PALM2AKAP2: variants seen among roughly 807,000 people sequenced by gnomAD.
The protein encoded by PALM2AKAP2 is PALM2-AKAP2 fusion protein.
In PALM2AKAP2, 37 loss-of-function variants were observed where a neutral mutation model predicts 71.5. The ratio of observed to expected loss-of-function variants is 0.52; its 90% confidence interval spans 0.40 to 0.68. The LOEUF (loss-of-function observed/expected upper bound fraction) is 0.68. Among genes scored for constraint, PALM2AKAP2 ranks in the 30% least tolerant of loss-of-function variants. PALM2AKAP2 has a pLI of 0.00. For missense variants in PALM2AKAP2, 1,224 were observed against 1,191.8 expected, an observed-to-expected ratio of 1.03 and a Z score of -0.40; for synonymous variants, 468 against 478.8, an observed-to-expected ratio of 0.98 and a Z score of 0.29.
At chr9:109,674,918 C>T (rs980824635) in intron 1 of PALM2AKAP2, among the ~76,000 whole-genome samples, 4 of 152,016 alleles carry the variant, frequency 2.6e-5, no homozygotes, top group Admixed American at 6.6e-5. Flanking sequence ...AATACTCTTT[C>T]AGTAGATATC....
At chr9:110,151,931 G>C (rs767337321) in intron 2 of PALM2AKAP2, among the ~76,000 whole-genome samples, 1 of 152,142 alleles carries the variant, frequency 6.6e-6, no homozygotes, top group Non-Finnish European at 1.5e-5. Flanking sequence ...GATAGTGACC[G>C]ATGTCCTTCA....
chr9:110,060,441 A>G (rs890990344), intron 1 of PALM2AKAP2, among the ~76,000 whole-genome samples: 6 of 152,020 alleles, frequency 3.9e-5, no homozygotes, highest in Non-Finnish European at 7.4e-5. Flanking sequence ...TTTTAATTCC[A>G]TTTTGAAGAT....
chr9:109,812,112 A>G (rs927860847), intron 1 of PALM2AKAP2, among the ~76,000 whole-genome samples: 1 of 152,242 alleles, frequency 6.6e-6, no homozygotes, highest in African/African-American at 2.4e-5. Flanking sequence ...TCATAGGGGC[A>G]GAAACTGCCA....
intron 3 of PALM2AKAP2, among the ~76,000 whole-genome samples, chr9:110,157,006 G>C (rs140483944): frequency 6.6e-6 from 1 of 152,332 alleles, no homozygotes; most frequent in Admixed American, 6.5e-5. Context: ...TGCATAGCTT[G>C]AAAGCAAAGA....
intron 1 of PALM2AKAP2, among the ~76,000 whole-genome samples, chr9:109,842,652 T>A (rs1828729827): frequency 6.7e-6 from 1 of 148,170 alleles, no homozygotes; most frequent in Admixed American, 6.7e-5. Flanking sequence ...CGTTGTTGAA[T>A]CAGCCCCAGT....
intron 3 of PALM2AKAP2, among the ~76,000 whole-genome samples, chr9:109,888,741 C>T (rs1830022811): frequency 7.0e-6 from 1 of 142,680 alleles, no homozygotes; most frequent in Non-Finnish European, 1.5e-5. Context: ...AAGAATAGTG[C>T]TGTTCTTATT....
intron 2 of PALM2AKAP2, among the ~76,000 whole-genome samples, chr9:110,152,750 A>G (rs1836353179): frequency 6.6e-6 from 1 of 152,218 alleles, no homozygotes; most frequent in Admixed American, 6.5e-5. Flanking sequence ...CAGGTGTGGA[A>G]CAGGTTTCTC....
chr9:110,114,301 T>C (rs1003513314), intron 1 of PALM2AKAP2, among the ~76,000 whole-genome samples: 4 of 152,168 alleles, frequency 2.6e-5, no homozygotes, highest in Non-Finnish European at 5.9e-5. Flanking sequence ...GTTTCCTCTG[T>C]GTGTATATCT....
At chr9:109,671,156 G>C (rs1340685744) in intron 1 of PALM2AKAP2, among the ~76,000 whole-genome samples, 2 of 151,814 alleles carry the variant, frequency 1.3e-5, no homozygotes, top group African/African-American at 4.8e-5. Flanking sequence ...TTTTGCTTTT[G>C]TTGTCTTCAT....
intron 3 of PALM2AKAP2, among the ~76,000 whole-genome samples, chr9:109,911,221 G>A (rs968799399): frequency 1.3e-4 from 20 of 152,168 alleles, no homozygotes; most frequent in Non-Finnish European, 2.2e-4. Context: ...ATTGAGAAAA[G>A]TACTGCTTTG....
chr9:109,848,931 G>T (rs1173308300), intron 1 of PALM2AKAP2, among the ~76,000 whole-genome samples: 1 of 151,608 alleles, frequency 6.6e-6, no homozygotes, highest in Non-Finnish European at 1.5e-5. Flanking sequence ...TTCAATTATA[G>T]ACTTGAGTAG....
At chr9:110,006,324 C>A (rs200607043) in intron 6 of PALM2AKAP2, among the ~76,000 whole-genome samples, 30 of 102,210 alleles carry the variant, frequency 2.9e-4, no homozygotes, top group African/African-American at 1.1e-3. Context: ...TTCCTTCCTT[C>A]TCTTTCTTTC....
At chr9:109,852,922 A>G (rs909385565) in intron 1 of PALM2AKAP2, among the ~76,000 whole-genome samples, 2 of 152,088 alleles carry the variant, frequency 1.3e-5, no homozygotes, top group Non-Finnish European at 2.9e-5. Flanking sequence ...GGTTCTGGAT[A>G]TTAGTCTTTT....
chr9:109,681,250 GC>G (rs1227153675), intron 1 of PALM2AKAP2, among the ~76,000 whole-genome samples: 3 of 152,166 alleles, frequency 2.0e-5, no homozygotes, highest in Non-Finnish European at 4.4e-5. Context: ...CATTTGTACA[GC>G]TTTTTAACAT....
chr9:109,667,155 C>T (rs1414836361), intron 1 of PALM2AKAP2, among the ~76,000 whole-genome samples: 1 of 152,116 alleles, frequency 6.6e-6, no homozygotes, highest in Non-Finnish European at 1.5e-5. Context: ...ATAGGCCCTC[C>T]TCTGGAATCA....
At chr9:110,125,365 C>A in intron 1 of PALM2AKAP2, 1 of 355,198 alleles carries the variant, frequency 2.8e-6, no homozygotes, top group Non-Finnish European at 3.9e-6. Flanking sequence ...AATGCCGCTG[C>A]CCTCCAGCTC....
chr9:109,998,784 G>GAAAAAT (rs1564252217), intron 6 of PALM2AKAP2, among the ~76,000 whole-genome samples: 3 of 130,194 alleles, frequency 2.3e-5, no homozygotes, highest in African/African-American at 8.8e-5. Context: ...AAAAAAAAAG[G>GAAAAAT]GGGGATAGTC....
chr9:109,781,235 G>A (rs1312990970), intron 1 of PALM2AKAP2, among the ~76,000 whole-genome samples: 1 of 152,112 alleles, frequency 6.6e-6, no homozygotes, highest in Non-Finnish European at 1.5e-5. Flanking sequence ...TGTGCATCTT[G>A]GGTTTAAAAA....
At chr9:109,864,995 C>T (rs1226835715) in intron 1 of PALM2AKAP2, among the ~76,000 whole-genome samples, 1 of 151,804 alleles carries the variant, frequency 6.6e-6, no homozygotes, top group Non-Finnish European at 1.5e-5. Flanking sequence ...TTTTCCTCCT[C>T]ATTGTCCCTG....
Sources: gnomAD v4.1 joint callset for allele counts (sites outside exome capture counted in the v4.1 genomes callset) on GRCh38, gnomAD v4.1.1 for gene constraint, MANE v1.5 for transcripts, NCBI Gene and HGNC (gene_info 2026-07-23, HGNC 2026-07-21) for gene names.